PPP3R1: variants seen among roughly 807,000 people sequenced by gnomAD.
PPP3R1 encodes the protein calcineurin subunit B type 1.
A neutral mutation model predicts 22.6 loss-of-function variants in PPP3R1; 5 were observed. That is an observed-to-expected ratio of 0.22 (90% confidence interval 0.12 to 0.46). The LOEUF (loss-of-function observed/expected upper bound fraction) is 0.46, where lower values mean the gene tolerates loss of function less well. Ranked by LOEUF, PPP3R1 falls within the 20% of genes least tolerant of loss-of-function variation. The pLI is 0.99. For synonymous variants in PPP3R1, 56 were observed against 65.2 expected, an observed-to-expected ratio of 0.86 and a Z score of 0.68; for missense variants, 61 against 203.2, an observed-to-expected ratio of 0.30 and a Z score of 4.25.
chr2:68,230,303 T>C (rs1348550837), intron 1 of PPP3R1, among the ~76,000 whole-genome samples: 1 of 152,196 alleles, frequency 6.6e-6, no homozygotes, highest in Admixed American at 6.5e-5. Context: ...TTCATTTCTG[T>C]TTTCTTTATC....
intron 1 of PPP3R1, among the ~76,000 whole-genome samples, chr2:68,228,350 T>C (rs959544563): frequency 6.6e-6 from 1 of 152,192 alleles, no homozygotes; most frequent in Non-Finnish European, 1.5e-5. Flanking sequence ...GTTATCTTTT[T>C]TGGATTTTGG....
At chr2:68,198,092 A>G (rs1427075516) in intron 2 of PPP3R1, among the ~76,000 whole-genome samples, 2 of 129,728 alleles carry the variant, frequency 1.5e-5, no homozygotes, top group Non-Finnish European at 3.3e-5. Flanking sequence ...AAAAAAAAGC[A>G]TATATATGTA....
intron 1 of PPP3R1, among the ~76,000 whole-genome samples, chr2:68,244,096 C>T (rs556193273): frequency 3.3e-5 from 5 of 152,218 alleles, no homozygotes; most frequent in South Asian, 2.1e-4. Flanking sequence ...AATTAACATA[C>T]GGATCTAAAA....
intron 2 of PPP3R1, among the ~76,000 whole-genome samples, chr2:68,216,024 C>G (rs1221699975): frequency 6.6e-6 from 1 of 151,924 alleles, no homozygotes; most frequent in Admixed American, 6.6e-5. Flanking sequence ...CTAACAGTAA[C>G]CAAATAAAAC....
chr2:68,245,080 C>G (rs1477514052), intron 1 of PPP3R1, among the ~76,000 whole-genome samples: 2 of 152,160 alleles, frequency 1.3e-5, no homozygotes, highest in African/African-American at 4.8e-5. Flanking sequence ...CTCAAATATT[C>G]TACTTCTAGG....
At chr2:68,198,352 CATATATATGTACATATATGTACATGT>C (rs1322385886) in intron 2 of PPP3R1, among the ~76,000 whole-genome samples, 22,669 of 84,404 alleles carry the variant, frequency 0.27, 4,087 homozygotes, top group African/African-American at 0.36. Flanking sequence ...CATGTATATG[CATATATATGTACATATATGTACATGT>C]ATATGCATAT....
intron 4 of PPP3R1, 96 bp from the exon 5 acceptor site, chr2:68,186,748 A>T: frequency 9.0e-7 from 1 of 1,115,782 alleles, no homozygotes; most frequent in Non-Finnish European, 1.3e-6. Flanking sequence ...AAACATCAAA[A>T]TTATGACTAT....
intron 2 of PPP3R1, among the ~76,000 whole-genome samples, chr2:68,212,973 A>G (rs77412649): frequency 0.067 from 10,165 of 152,266 alleles, 411 homozygotes; most frequent in Middle Eastern, 0.21. Context: ...ACTAGCTTCA[A>G]ACTTTTCTTC....
chr2:68,216,583 C>T (rs1477290296), intron 2 of PPP3R1, among the ~76,000 whole-genome samples: 1 of 152,150 alleles, frequency 6.6e-6, no homozygotes, highest in Admixed American at 6.5e-5. Flanking sequence ...GCATAACTAG[C>T]TCTGGCCCAT....
chr2:68,232,079 G>A (rs1669913238), intron 1 of PPP3R1, among the ~76,000 whole-genome samples: 1 of 133,030 alleles, frequency 7.5e-6, no homozygotes, highest in African/African-American at 2.9e-5. Context: ...GGACAACATG[G>A]GAATACCCGT....
chr2:68,231,120 G>A (rs956940468), intron 1 of PPP3R1, among the ~76,000 whole-genome samples: 12 of 151,990 alleles, frequency 7.9e-5, no homozygotes, highest in African/African-American at 2.7e-4. Flanking sequence ...AACGACACAA[G>A]TGTTAAATCT....
intron 1 of PPP3R1, among the ~76,000 whole-genome samples, chr2:68,227,398 G>A (rs2103786128): frequency 6.6e-6 from 1 of 151,988 alleles, no homozygotes; most frequent in South Asian, 2.1e-4. Flanking sequence ...ATTTTTTCTA[G>A]GGTAAAGTCA....
chr2:68,224,222 C>T lies in PPP3R1; in HGVS notation c.4-7091G>A, dbSNP rs934339320. On this transcript the variant is annotated intron_variant, in intron 1 of 5. Coordinates refer to ENST00000234310, the MANE Select transcript of PPP3R1 (RefSeq NM_000945.4). ...CCCATAATGATCTGCATATAGAAGA[C>T]AATCCTAATAAAAATCCCAGCAGAA... Among the ~76,000 whole-genome samples, 4 of 152,104 alleles carry T rather than the reference C, an allele frequency of 2.6e-5. No homozygotes were observed. The South Asian group carries it at 6.2e-4, about 24-fold the overall frequency.
intron 2 of PPP3R1, 23 bp downstream of exon 2, chr2:68,217,069 T>C: frequency 1.3e-6 from 2 of 1,550,042 alleles, no homozygotes; most frequent in Non-Finnish European, 1.8e-6. Flanking sequence ...AAAGTAACTT[T>C]TGGTAACAAG....
At chr2:68,244,361 A>G (rs373892141) in intron 1 of PPP3R1, among the ~76,000 whole-genome samples, 2 of 152,184 alleles carry the variant, frequency 1.3e-5, no homozygotes, top group African/African-American at 4.8e-5. Flanking sequence ...CCCAAACTGG[A>G]TAACACAATC....
intron 1 of PPP3R1, among the ~76,000 whole-genome samples, chr2:68,227,142 C>T (rs1218471063): frequency 3.9e-5 from 6 of 152,056 alleles, no homozygotes; most frequent in African/African-American, 1.4e-4. Flanking sequence ...AACCTTGTCA[C>T]TTTAAGATCA....
chr2:68,227,858 TTTA>T (rs1361892111), intron 1 of PPP3R1, among the ~76,000 whole-genome samples: 1 of 152,182 alleles, frequency 6.6e-6, no homozygotes, highest in African/African-American at 2.4e-5. Context: ...CATTAGTACT[TTTA>T]TTTTTTGTAG....
chr2:68,239,140 A>G (rs774245975), intron 1 of PPP3R1, among the ~76,000 whole-genome samples: 2 of 152,228 alleles, frequency 1.3e-5, no homozygotes, highest in African/African-American at 2.4e-5. Flanking sequence ...TTGTTCCAAC[A>G]CAGATAAATA....
chr2:68,252,158 C>CGCTGGCTCGGAGAAGTGTTGCGCTCAG lies in PPP3R1; in HGVS notation c.-58_-32dup. 1 of 1,409,196 alleles carries CGCTGGCTCGGAGAAGTGTTGCGCTCAG rather than the reference C, an allele frequency of 7.1e-7. No individual in the cohort carries two copies. Among genetic ancestry groups the CGCTGGCTCGGAGAAGTGTTGCGCTCAG allele is most frequent in the Non-Finnish European group, 9.4e-7 (1 of 1,060,004 alleles). The allele number at this position is 1,409,196 out of a possible 1,614,324, so 87.3% of individuals were successfully genotyped here. ...TCGGCGGGTCGGCGGCTCGCTGGCTCGCTGGCTCGGAGAAGTGTTGCGCTC... is the reference window on the plus strand; with the variant it reads ...TCGGCGGGTCGGCGGCTCGCTGGCTCGCTGGCTCGGAGAAGTGTTGCGCTCAGGCTGGCTCGGAGAAGTGTTGCGCTC... On this transcript the variant is annotated 5_prime_UTR_variant, in exon 1 of 6. Transcript: ENST00000234310.
Sources: allele counts gnomAD v4.1 joint callset (sites outside exome capture counted in the v4.1 genomes callset), GRCh38; gene constraint gnomAD v4.1.1; transcripts MANE v1.5; gene names NCBI Gene and HGNC (gene_info 2026-07-23, HGNC 2026-07-21).